The following CADPS2 variants were observed in gnomAD, a reference collection of about 807,000 sequenced individuals.
CADPS2 encodes calcium-dependent secretion activator 2.
CADPS2 carries 93 observed loss-of-function variants against 172.5 expected under a neutral mutation model. The ratio of observed to expected loss-of-function variants is 0.54; its 90% CI spans 0.46 to 0.64. CADPS2 has a LOEUF of 0.64. Ranked by LOEUF, CADPS2 falls within the 30% of genes least tolerant of loss-of-function variation. The probability of loss-of-function intolerance (pLI) is 0.00; values close to 1 mark genes in which losing one functional copy is unlikely to be tolerated. For missense variants in CADPS2, 1,420 were observed against 1,565.9 expected (o/e 0.91, Z 1.57); for synonymous variants, 546 against 555.2 (o/e 0.98, Z 0.23).
At chr7:122,498,838 G>C (rs896845229) in intron 9 of CADPS2, among the ~76,000 whole-genome samples, 1 of 152,086 alleles carries the variant, frequency 6.6e-6, no homozygotes, top group East Asian at 1.9e-4. Flanking sequence ...GTATGTGAGA[G>C]CTGTATTGCT....
intron 8 of CADPS2, among the ~76,000 whole-genome samples, chr7:122,515,750 T>C (rs564508571): frequency 1.3e-5 from 2 of 150,938 alleles, no homozygotes; most frequent in East Asian, 1.9e-4. Flanking sequence ...ATAATCAGCA[T>C]TGCACATGTA....
intron 8 of CADPS2, among the ~76,000 whole-genome samples, chr7:122,541,514 T>G (rs926999261): frequency 9.2e-5 from 3 of 32,618 alleles, no homozygotes; most frequent in African/African-American, 3.8e-4. Flanking sequence ...CCAATTTTTG[T>G]TTTTTTTTTT....
intron 17 of CADPS2, chr7:122,424,262 C>A: frequency 1.2e-6 from 1 of 847,486 alleles, no homozygotes; most frequent in Non-Finnish European, 1.4e-6. Flanking sequence ...CCGGAATTAA[C>A]CATGCTAATA....
chr7:122,755,084 T>A lies in CADPS2; in HGVS notation c.340-18016A>T, dbSNP rs1238386385. Reference sequence around the variant, plus strand: ...TTTTGTTTTTAAATGAAGAATGTCTTCAGATAATAGTAACAAATAAAAACA... The same window carrying A: ...TTTTGTTTTTAAATGAAGAATGTCTACAGATAATAGTAACAAATAAAAACA... On this transcript the variant is annotated intron_variant, in intron 1 of 29. Transcript: ENST00000449022. Among the ~76,000 whole-genome samples the A allele has an allele frequency of 2.0e-5, 3 of 152,162 alleles. No individual in the cohort carries two copies. In the East Asian group the frequency reaches 5.8e-4, roughly 29 times the overall value.
intron 2 of CADPS2, among the ~76,000 whole-genome samples, chr7:122,689,081 C>A (rs893990083): frequency 8.5e-4 from 130 of 152,170 alleles, no homozygotes; most frequent in Non-Finnish European, 5.9e-4. Context: ...TAGGCCACAG[C>A]AACAATATAA....
At position 122,581,325 on chromosome 7, in the gene CADPS2, C is replaced by T. The variant is rs144301359; in HGVS notation, c.1224-35G>A. The T allele has an allele frequency of 2.5e-5, 38 of 1,549,180 alleles. No individual in the cohort carries two copies. In the African/African-American group the frequency reaches 3.4e-4, roughly 14 times the overall value. On this transcript the variant is annotated intron_variant, in intron 6 of 29. Transcript: ENST00000449022. ...AGTAAAAAAAATGTTTCTTAAAATG[C>T]AGCATTATTTTTTTCCCCAAGGAGA...
chr7:122,383,529 T>C (rs2151395818), intron 24 of CADPS2, among the ~76,000 whole-genome samples: 1 of 151,680 alleles, frequency 6.6e-6, no homozygotes, highest in South Asian at 2.1e-4. Context: ...TAGATTTCAA[T>C]TCATTCTTAA....
intron 3 of CADPS2, among the ~76,000 whole-genome samples, chr7:122,653,212 C>T (rs147851225): frequency 2.2e-4 from 34 of 152,312 alleles, no homozygotes; most frequent in African/African-American, 7.2e-4. Context: ...CTTAAGCAAG[C>T]AACATCTTTG....
chr7:122,551,301 T>G (rs2064255922), intron 8 of CADPS2, among the ~76,000 whole-genome samples: 1 of 152,092 alleles, frequency 6.6e-6, no homozygotes. Context: ...TACTTTTCCC[T>G]TAATACTCTA....
intron 1 of CADPS2, among the ~76,000 whole-genome samples, chr7:122,741,512 CTG>C (rs1376157520): frequency 6.6e-6 from 1 of 152,156 alleles, no homozygotes; most frequent in Non-Finnish European, 1.5e-5. Flanking sequence ...TACACGGAGA[CTG>C]GACAGCACAC....
chr7:122,502,902 A>G (rs781730829), intron 9 of CADPS2, among the ~76,000 whole-genome samples: 5 of 151,804 alleles, frequency 3.3e-5, no homozygotes, highest in Admixed American at 6.6e-5. Flanking sequence ...ATTAAGTCCA[A>G]TTTTATAGAT....
At chr7:122,631,296 CCA>C (rs1411375367) in intron 3 of CADPS2, among the ~76,000 whole-genome samples, 4 of 152,132 alleles carry the variant, frequency 2.6e-5, no homozygotes, top group South Asian at 4.1e-4. Context: ...TCTTAAAAGG[CCA>C]CAGTTTTTCA....
At chr7:122,779,225 C>G (rs1479510787) in intron 1 of CADPS2, among the ~76,000 whole-genome samples, 1 of 152,030 alleles carries the variant, frequency 6.6e-6, no homozygotes, top group Non-Finnish European at 1.5e-5. Flanking sequence ...ACTAATACAC[C>G]AACCAACCAC....
Position 122,393,424 on chromosome 7 carries a change from C to T in CADPS2, c.2888+17G>A, listed in dbSNP as rs750132873. 1 of 1,613,640 alleles carries T rather than the reference C, an allele frequency of 6.2e-7. No individual in the cohort carries two copies. The highest frequency in any genetic ancestry group is 2.2e-5 in the East Asian group (1 of 44,856). On this transcript the variant is annotated intron_variant, in intron 21 of 29. Transcript: ENST00000449022. ...TGAAGAGGCAGGTGCTCTACGGACA[C>T]TAGGTAAGATACCTACTTGACAGGC... is the stretch of plus-strand genomic sequence containing the variant.
At chr7:122,326,586 T>C (rs899212363) in intron 28 of CADPS2, among the ~76,000 whole-genome samples, 1 of 152,048 alleles carries the variant, frequency 6.6e-6, no homozygotes, top group Non-Finnish European at 1.5e-5. Context: ...AGACAGGAGA[T>C]TTTGTGCCTT....
At chr7:122,429,149 A>C (rs1292935699) in intron 17 of CADPS2, among the ~76,000 whole-genome samples, 1 of 151,952 alleles carries the variant, frequency 6.6e-6, no homozygotes, top group African/African-American at 2.4e-5. Context: ...GATGTTTCTG[A>C]TGAGAAGGGT....
intron 2 of CADPS2, among the ~76,000 whole-genome samples, chr7:122,705,899 A>ATATATAATATAT (rs2087170386): frequency 3.9e-4 from 1 of 2,540 alleles, no homozygotes; most frequent in African/African-American, 1.1e-3. Context: ...ATATAATATA[A>ATATATAATATAT]TATATAATAT....
At chr7:122,719,614 C>G (rs570979378) in intron 2 of CADPS2, among the ~76,000 whole-genome samples, 41 of 152,250 alleles carry the variant, frequency 2.7e-4, no homozygotes, top group Admixed American at 7.9e-4. Context: ...TCTACAATCA[C>G]TGACTTAATA....
chr7:122,416,969 T>C (rs1214720233), intron 17 of CADPS2, among the ~76,000 whole-genome samples: 2 of 152,210 alleles, frequency 1.3e-5, no homozygotes, highest in Admixed American at 6.5e-5. Flanking sequence ...AATAAGGACA[T>C]TAAAGATAAA....
Sources: allele counts gnomAD v4.1 joint callset (sites outside exome capture counted in the v4.1 genomes callset), GRCh38; gene constraint gnomAD v4.1.1; transcripts MANE v1.5; gene names NCBI Gene and HGNC (gene_info 2026-07-23, HGNC 2026-07-21).